The following ANO3 variants were observed in gnomAD, a reference collection of about 807,000 sequenced individuals.
The protein encoded by ANO3 is anoctamin-3.
In ANO3, 99 loss-of-function variants were observed where a neutral mutation model predicts 144.8. The observed-to-expected ratio is 0.68, with a 90% CI of 0.58 to 0.81. The LOEUF (loss-of-function observed/expected upper bound fraction) is 0.81, where lower values mean the gene tolerates loss of function less well. Ranked by LOEUF, ANO3 falls within the 30% of genes least tolerant of loss-of-function variation. The pLI, the probability that ANO3 is intolerant of heterozygous loss-of-function variation, is 0.00. For missense variants in ANO3, 905 were observed against 1,202.2 expected (o/e 0.75, Z 3.66); for synonymous variants, 414 against 392.6 (o/e 1.05, Z -0.64).
chr11:26,236,260 G>A (rs984321655), intron 1 of ANO3, among the ~76,000 whole-genome samples: 1 of 152,034 alleles, frequency 6.6e-6, no homozygotes, highest in Non-Finnish European at 1.5e-5. Flanking sequence ...TAAATTCCTA[G>A]AACTGAAGTT....
At chr11:26,324,229 A>T (rs933461996) in intron 1 of ANO3, among the ~76,000 whole-genome samples, 1 of 152,328 alleles carries the variant, frequency 6.6e-6, no homozygotes, top group African/African-American at 2.4e-5. Flanking sequence ...AACTTTGAAA[A>T]GTTTTGACAT....
intron 10 of ANO3, among the ~76,000 whole-genome samples, chr11:26,541,734 A>C (rs1590492036): frequency 1.3e-5 from 2 of 152,286 alleles, no homozygotes; most frequent in South Asian, 2.1e-4. Flanking sequence ...TTTTTAAGTA[A>C]TTTAATAAAA....
rs573916999 is a variant in ANO3 at position 26,593,539 on chromosome 11, G to A, written c.1448-4826G>A. Among the ~76,000 whole-genome samples, 6 of 152,246 alleles carry A rather than the reference G, an allele frequency of 3.9e-5. No individual in the cohort carries two copies. The South Asian group carries it at 6.2e-4, about 16-fold the overall frequency. ...TGGCCCTCAATGGTCAAGCATACCC[G>A]GGGCTCTGTGAGGGTGATGGCATGG... On this transcript the variant is annotated intron_variant, in intron 14 of 26. Coordinates refer to ENST00000256737, the MANE Select transcript of ANO3 (RefSeq NM_031418.4).
chr11:26,548,575 A>G (rs1849848790), intron 12 of ANO3, among the ~76,000 whole-genome samples: 1 of 150,038 alleles, frequency 6.7e-6, no homozygotes, highest in Admixed American at 6.7e-5. Context: ...TTTAACAAAT[A>G]TAATATGTAT....
chr11:26,463,048 A>T lies in ANO3; in HGVS notation c.332A>T (p.Asp111Val), dbSNP rs1426849885. 6.3e-6 allele frequency: 10 copies of T among 1,580,854 alleles called. No homozygotes were observed. The highest frequency in any genetic ancestry group is 8.6e-6 in the Non-Finnish European group (10 of 1,161,172). Reference sequence around the variant, plus strand: ...TTTATAGCCCTAGGAAAAGATAAGGATTACACGGATGAATCAGAACACGCT... The same window carrying T: ...TTTATAGCCCTAGGAAAAGATAAGGTTTACACGGATGAATCAGAACACGCT... ...DFCLALGKDKDYTDESEHATY... is the reference protein window; with the variant it reads ...DFCLALGKDKVYTDESEHATY... Residue 111 changes from aspartate to valine, a missense_variant, in exon 4 of 27, where the codon GAT (aspartate) becomes GTT (valine). Physicochemically the swap from Asp to Val is radical, Grantham distance 152. This residue lies in a region of ANO3 where 174 missense variants were observed against 171.9 expected (regional missense o/e 1.01). Coordinates refer to ENST00000256737, the MANE Select transcript of ANO3 (RefSeq NM_031418.4).
intron 2 of ANO3, 109 bp downstream of exon 2, chr11:26,442,221 A>T: frequency 9.1e-7 from 1 of 1,094,282 alleles, no homozygotes; most frequent in Non-Finnish European, 1.3e-6. Context: ...CTCTTCAGGA[A>T]GGAGGCTGGC....
At chr11:26,332,444 T>TAAAAAA (rs56225203) in intron 1 of ANO3, 123 bp downstream of exon 1, 161 of 615,832 alleles carry the variant, frequency 2.6e-4, no homozygotes, top group Admixed American at 4.0e-4. Flanking sequence ...TCTGTGAAGT[T>TAAAAAA]AAAAAAAAAA....
intron 1 of ANO3, among the ~76,000 whole-genome samples, chr11:26,223,202 A>C (rs1387093475): frequency 6.6e-6 from 1 of 152,094 alleles, no homozygotes; most frequent in Non-Finnish European, 1.5e-5. Context: ...ATTCTTTACT[A>C]CTTAAAAATT....
chr11:26,201,437 A>C (rs925376414), intron 1 of ANO3, among the ~76,000 whole-genome samples: 1 of 152,150 alleles, frequency 6.6e-6, no homozygotes, highest in Middle Eastern at 3.4e-3. Context: ...GGTAGATTTT[A>C]TTCTGCCTTA....
intron 1 of ANO3, among the ~76,000 whole-genome samples, chr11:26,259,249 A>C (rs970127461): frequency 2.7e-4 from 41 of 152,144 alleles, no homozygotes; most frequent in African/African-American, 8.7e-4. Flanking sequence ...GTTTGTATCT[A>C]TCTCTCCCTC....
chr11:26,624,095 T>C (rs1440845074), intron 17 of ANO3, among the ~76,000 whole-genome samples: 7 of 152,052 alleles, frequency 4.6e-5, no homozygotes, highest in Admixed American at 2.0e-4. Flanking sequence ...CAAAAAACTG[T>C]AATTTTGAGC....
chr11:26,564,831 G>A (rs1217451621), intron 14 of ANO3, among the ~76,000 whole-genome samples: 1 of 135,426 alleles, frequency 7.4e-6, no homozygotes, highest in African/African-American at 2.7e-5. Flanking sequence ...ATTTCAGGTA[G>A]TCTTTTCAAG....
intron 4 of ANO3, among the ~76,000 whole-genome samples, chr11:26,503,578 G>C (rs1176010517): frequency 6.6e-6 from 1 of 151,880 alleles, no homozygotes; most frequent in Non-Finnish European, 1.5e-5. Flanking sequence ...TTGACATTTT[G>C]GTATCTACTT....
rs147713976 is a variant in ANO3 at position 26,635,017 on chromosome 11, G to A, written c.1990G>A (p.Val664Ile). 2.0e-5 allele frequency: 32 copies of A among 1,613,020 alleles called. No homozygotes were observed. The highest frequency in any genetic ancestry group is 2.6e-5 in the Non-Finnish European group (31 of 1,179,226). ...FYIAFFLGRF[V>I]GHPGKYNKLF... ...AACTAAAATGTCTTCTTACAGATTCGTAGGCCACCCAGGAAAATACAATAA... is the reference window on the plus strand; with the variant it reads ...AACTAAAATGTCTTCTTACAGATTCATAGGCCACCCAGGAAAATACAATAA... The change falls in exon 20 of 27, where the codon GTA becomes ATA. Residue 664 changes from valine (V) to isoleucine (I), a missense_variant. Physicochemically the swap from Val to Ile is conservative, Grantham distance 29. Transcript: ENST00000256737.
At chr11:26,632,377 G>A (rs1260137015) in intron 18 of ANO3, among the ~76,000 whole-genome samples, 7 of 149,438 alleles carry the variant, frequency 4.7e-5, no homozygotes, top group East Asian at 2.0e-4. Context: ...TTAGCCGGGC[G>A]TGGTGACACC....
chr11:26,620,869 C>T (rs1180173451), intron 17 of ANO3, among the ~76,000 whole-genome samples: 1 of 152,104 alleles, frequency 6.6e-6, no homozygotes, highest in East Asian at 1.9e-4. Context: ...GGCATCTTAA[C>T]CAAGAAAAGA....
At chr11:26,297,989 G>T (rs193056053) in intron 1 of ANO3, among the ~76,000 whole-genome samples, 1 of 152,276 alleles carries the variant, frequency 6.6e-6, no homozygotes, top group Non-Finnish European at 1.5e-5. Context: ...CTGCAAAAAT[G>T]AGGAGCATAG....
intron 13 of ANO3, among the ~76,000 whole-genome samples, chr11:26,556,002 A>C (rs1850072261): frequency 1.3e-5 from 2 of 152,174 alleles, no homozygotes; most frequent in Admixed American, 1.3e-4. Flanking sequence ...CCATGTGTGT[A>C]CATATAATTA....
intron 1 of ANO3, among the ~76,000 whole-genome samples, chr11:26,386,574 G>T (rs752538505): frequency 2.6e-5 from 4 of 152,184 alleles, no homozygotes; most frequent in African/African-American, 7.2e-5. Flanking sequence ...GTTGCAATGG[G>T]TTGACGTCCT....
Sources: gnomAD v4.1 joint callset for allele counts (sites outside exome capture counted in the v4.1 genomes callset) on GRCh38, gnomAD v4.1.1 for gene constraint, gnomAD v4.1.1 regional missense constraint, MANE v1.5 for transcripts, NCBI Gene and HGNC (gene_info 2026-07-23, HGNC 2026-07-21) for gene names.